FBXO42: variants seen among roughly 807,000 people sequenced by gnomAD.
FBXO42 encodes the protein F-box only protein 42.
Under a neutral mutation model 71.7 loss-of-function variants are expected in FBXO42, and 12 were observed. The observed-to-expected ratio is 0.17, with a 90% CI of 0.11 to 0.27. The LOEUF is 0.27. Among genes scored for constraint, FBXO42 ranks in the 10% least tolerant of loss-of-function variants. The pLI is 1.00. For missense variants in FBXO42, 707 were observed against 911.9 expected (o/e 0.78, Z 2.89); for synonymous variants, 325 against 327.5 (o/e 0.99, Z 0.08).
At chr1:16,282,841 C>T (rs944101385) in intron 4 of FBXO42, among the ~76,000 whole-genome samples, 4 of 151,876 alleles carry the variant, frequency 2.6e-5, no homozygotes. Context: ...ATTAGCCGGG[C>T]GTGGTGGTGG....
intron 3 of FBXO42, among the ~76,000 whole-genome samples, chr1:16,297,313 G>C (rs2082140442): frequency 6.6e-6 from 1 of 151,882 alleles, no homozygotes; most frequent in South Asian, 2.1e-4. Flanking sequence ...ACGGTAAGAA[G>C]GCCAAGTCAG....
intron 1 of FBXO42, among the ~76,000 whole-genome samples, chr1:16,344,670 T>C (rs1483291337): frequency 6.6e-6 from 1 of 152,026 alleles, no homozygotes; most frequent in Admixed American, 6.6e-5. Context: ...TATACATACA[T>C]AGGATAAAGC....
intron 1 of FBXO42, among the ~76,000 whole-genome samples, chr1:16,326,762 T>C (rs1411066163): frequency 6.6e-6 from 1 of 151,868 alleles, no homozygotes; most frequent in Admixed American, 6.6e-5. Flanking sequence ...TTATAAGTCA[T>C]CTAAAACACG....
intron 1 of FBXO42, among the ~76,000 whole-genome samples, chr1:16,316,264 G>A (rs967168166): frequency 3.3e-5 from 5 of 151,552 alleles, no homozygotes; most frequent in Admixed American, 6.6e-5. Context: ...CTGTTTGCCC[G>A]GAGAATACTT....
chr1:16,250,807 G>C lies in FBXO42; in HGVS notation c.2017C>G (p.Pro673Ala). ...ACGGTATGCAGGCTGGTTTCAGGAG[G>C]TCCAACCACAGAACTGCTATTAAAT... ...KVFNSSSVVG[P>A]PETSLHTVVQ... The change falls in exon 10 of 10, where the codon CCT (proline) becomes GCT (alanine). Residue 673 changes from proline to alanine, a missense_variant. By Grantham distance (27) the Pro-to-Ala change is conservative. Around this residue, in one of 5 missense-constraint regions of FBXO42, gnomAD observed 482 missense variants for 587.1 expected, o/e 0.82. Coordinates refer to ENST00000375592, the MANE Select transcript of FBXO42 (RefSeq NM_018994.3). The surrounding 1 kb of genome is among the most constrained non-coding windows in gnomAD (Gnocchi z 4.7). 6.2e-7 allele frequency: 1 copy of C among 1,614,086 alleles called. No homozygotes were observed. Among genetic ancestry groups the C allele is most frequent in the Non-Finnish European group, 8.5e-7 (1 of 1,180,012 alleles).
chr1:16,349,420 G>C (rs958607672), intron 1 of FBXO42, among the ~76,000 whole-genome samples: 1 of 152,148 alleles, frequency 6.6e-6, no homozygotes, highest in Non-Finnish European at 1.5e-5. Context: ...GCCCTCAGTA[G>C]GTGGTTCATA....
intron 2 of FBXO42, among the ~76,000 whole-genome samples, chr1:16,307,646 AG>A (rs1213856672): frequency 2.6e-5 from 4 of 152,228 alleles, no homozygotes; most frequent in African/African-American, 9.6e-5. Flanking sequence ...ACAATGAACA[AG>A]TAGAATTTGA....
chr1:16,323,656 G>A (rs1196495552), intron 1 of FBXO42, among the ~76,000 whole-genome samples: 1 of 151,788 alleles, frequency 6.6e-6, no homozygotes, highest in Non-Finnish European at 1.5e-5. Context: ...CAGGCGTGGT[G>A]GTGTGCACCT....
At chr1:16,282,996 A>T (rs923300252) in intron 4 of FBXO42, among the ~76,000 whole-genome samples, 6 of 151,238 alleles carry the variant, frequency 4.0e-5, no homozygotes, top group African/African-American at 1.5e-4. Flanking sequence ...AAAAAAAAAA[A>T]TGCTGATCCA....
chr1:16,300,392 A>G (rs1460934319), intron 3 of FBXO42, among the ~76,000 whole-genome samples: 1 of 152,236 alleles, frequency 6.6e-6, no homozygotes, highest in Non-Finnish European at 1.5e-5. Context: ...ACAGTTCTGA[A>G]TACTTCTCCA....
intron 4 of FBXO42, among the ~76,000 whole-genome samples, chr1:16,266,296 A>G (rs955320373): frequency 6.7e-6 from 1 of 149,532 alleles, no homozygotes; most frequent in African/African-American, 2.6e-5. Context: ...AATTCAAAGG[A>G]GAATTTGAGG....
chr1:16,317,656 G>T (rs765540888), intron 1 of FBXO42, among the ~76,000 whole-genome samples: 8 of 152,074 alleles, frequency 5.3e-5, no homozygotes, highest in Middle Eastern at 3.4e-3. Flanking sequence ...AGGCACAGTG[G>T]CTCATGCCTA....
chr1:16,294,392 A>G (rs915851853), intron 4 of FBXO42: 7 of 184,146 alleles, frequency 3.8e-5, no homozygotes, highest in Admixed American at 3.8e-4. Context: ...GCTGGCAACA[A>G]CAACAGATAT....
intron 1 of FBXO42, among the ~76,000 whole-genome samples, chr1:16,324,113 T>C (rs2082431553): frequency 6.8e-6 from 1 of 146,086 alleles, no homozygotes; most frequent in East Asian, 2.0e-4. Context: ...ACCACGGTTA[T>C]CATTTTATCA....
chr1:16,346,777 C>CAA (rs2082658035), intron 1 of FBXO42, among the ~76,000 whole-genome samples: 1 of 127,616 alleles, frequency 7.8e-6, no homozygotes, highest in African/African-American at 3.0e-5. Flanking sequence ...TTTTCTGAGA[C>CAA]AGAGTCTCAC....
rs1047676622 is a variant in FBXO42, at chr1:16,352,415, C to T, written c.-178G>A. The T allele has an allele frequency of 7.5e-6, 3 of 399,674 alleles. No homozygotes were observed. Among genetic ancestry groups the T allele is most frequent in the Non-Finnish European group, 1.3e-5 (3 of 227,142 alleles). 24.8% of individuals were successfully genotyped at this position (399,674 alleles called of 1,614,324 possible). A position where few individuals can be genotyped will look rare whatever the true frequency, so the allele number is the denominator to read the frequency against. On this transcript the variant is annotated 5_prime_UTR_variant, in exon 1 of 10. Transcript: ENST00000375592. ...ACCCCGAGCCGCCCGGAGCCGCCAT[C>T]TTCCTCCACTCAAACGCCGCCGCCG...
intron 1 of FBXO42, among the ~76,000 whole-genome samples, chr1:16,346,313 C>G (rs771671619): frequency 6.6e-6 from 1 of 152,096 alleles, no homozygotes; most frequent in Non-Finnish European, 1.5e-5. Context: ...AGAAAATATT[C>G]TAAGGGAACA....
At chr1:16,302,129 G>A (rs1044213279) in intron 3 of FBXO42, among the ~76,000 whole-genome samples, 2 of 152,184 alleles carry the variant, frequency 1.3e-5, no homozygotes, top group Non-Finnish European at 2.9e-5. Flanking sequence ...TATTAGGGAA[G>A]CAGAGAGGAA....
intron 4 of FBXO42, among the ~76,000 whole-genome samples, chr1:16,289,083 G>A (rs1157146145): frequency 1.3e-5 from 2 of 151,612 alleles, no homozygotes; most frequent in Non-Finnish European, 2.9e-5. Flanking sequence ...CTAAATAGAA[G>A]CAAAATGTGC....
Sources: gnomAD v4.1 joint callset for allele counts (sites outside exome capture counted in the v4.1 genomes callset) on GRCh38, gnomAD v4.1.1 for gene constraint, gnomAD v4.1.1 regional missense constraint, Gnocchi (gnomAD v3.1) non-coding constraint, MANE v1.5 for transcripts, NCBI Gene and HGNC (gene_info 2026-07-23, HGNC 2026-07-21) for gene names.